The following PHACTR1 variants were observed in gnomAD, a reference collection of about 807,000 sequenced individuals.
PHACTR1 encodes phosphatase and actin regulator 1, also known as RPEL repeat containing 1.
PHACTR1 carries 16 observed loss-of-function variants against 69.2 expected under a neutral mutation model. The observed-to-expected ratio is 0.23, with a 90% CI of 0.16 to 0.35. The LOEUF is 0.35. Ranked by LOEUF, PHACTR1 falls within the 10% of genes least tolerant of loss-of-function variation. The pLI is 1.00. For synonymous variants in PHACTR1, 312 were observed against 284.5 expected (o/e 1.10, Z -0.97); for missense variants, 510 against 734.7 (o/e 0.69, Z 3.54).
At chr6:12,742,177 C>T (rs1765139506) in intron 3 of PHACTR1, among the ~76,000 whole-genome samples, 1 of 152,120 alleles carries the variant, frequency 6.6e-6, no homozygotes, top group Admixed American at 6.5e-5. Flanking sequence ...GAGGCATGGG[C>T]CACTCAGCTG....
chr6:13,254,533 G>T lies in PHACTR1; in HGVS notation c.1392-18327G>T, dbSNP rs556137520. Among the ~76,000 whole-genome samples, 201 of 152,234 alleles carry T rather than the reference G, an allele frequency of 1.3e-3. 1 individual carries two copies. In the Middle Eastern group the frequency reaches 0.02, roughly 15 times the overall value. ...CAAAGCAAGTGTCTCCTTCCTCTTT[G>T]GATATCCATAGTGTCCCAAATCTGA... is the stretch of plus-strand genomic sequence containing the variant. On this transcript the variant is annotated intron_variant, in intron 10 of 14. Coordinates refer to ENST00000332995, the MANE Select transcript of PHACTR1 (RefSeq NM_030948.6).
intron 4 of PHACTR1, among the ~76,000 whole-genome samples, chr6:12,833,085 T>C (rs1777761963): frequency 6.6e-6 from 1 of 152,136 alleles, no homozygotes; most frequent in South Asian, 2.1e-4. Flanking sequence ...TCACTTCACC[T>C]ATGAGGTTCA....
intron 4 of PHACTR1, among the ~76,000 whole-genome samples, chr6:12,937,595 G>A (rs1025486153): frequency 2.6e-5 from 4 of 152,066 alleles, no homozygotes; most frequent in African/African-American, 9.7e-5. Flanking sequence ...GTCAGGTGGC[G>A]GTAAGAGTTA....
At chr6:12,812,074 G>A (rs1775073217) in intron 4 of PHACTR1, among the ~76,000 whole-genome samples, 1 of 151,694 alleles carries the variant, frequency 6.6e-6, no homozygotes, top group African/African-American at 2.4e-5. Context: ...TCACAGTGTT[G>A]TGCAGACACC....
At chr6:13,160,603 G>T (rs1273222556) in intron 6 of PHACTR1, among the ~76,000 whole-genome samples, 1 of 152,126 alleles carries the variant, frequency 6.6e-6, no homozygotes, top group Non-Finnish European at 1.5e-5. Flanking sequence ...ACACGACCAG[G>T]GTGCAGTCAC....
intron 4 of PHACTR1, among the ~76,000 whole-genome samples, chr6:12,890,412 C>T (rs1221160177): frequency 6.6e-6 from 1 of 152,084 alleles, no homozygotes; most frequent in Non-Finnish European, 1.5e-5. Context: ...GACTATGAGC[C>T]TCCTCTCTTC....
At chr6:12,802,991 C>A (rs9472594) in intron 4 of PHACTR1, among the ~76,000 whole-genome samples, 56,580 of 151,978 alleles carry the variant, frequency 0.37, 11,338 homozygotes, top group African/African-American at 0.5. Context: ...ATATATGTGG[C>A]TTTGTAGAGG....
chr6:13,152,508 A>G (rs1216503354), intron 5 of PHACTR1, among the ~76,000 whole-genome samples: 1 of 152,188 alleles, frequency 6.6e-6, no homozygotes, highest in South Asian at 2.1e-4. Context: ...AAAAATGACT[A>G]AACTAGAACT....
intron 3 of PHACTR1, among the ~76,000 whole-genome samples, chr6:12,730,005 A>G (rs2127570073): frequency 6.6e-6 from 1 of 152,318 alleles, no homozygotes; most frequent in East Asian, 1.9e-4. Flanking sequence ...AGATGAAGGT[A>G]GGAAAAAGAA....
Position 13,206,004 on chromosome 6 carries a change from A to C in PHACTR1, c.854A>C (p.His285Pro), listed in dbSNP as rs749411246. Reference sequence around the variant, plus strand: ...ACTGTCCTGCCCTCCCAGATCCAGCACCAGCTGCAGTACGGCAGCCACGGC... The same window carrying C: ...ACTGTCCTGCCCTCCCAGATCCAGCCCCAGCTGCAGTACGGCAGCCACGGC... Reference protein sequence around the residue: ...HHTVLPSQIQHQLQYGSHGQH... With the variant: ...HHTVLPSQIQPQLQYGSHGQH... Residue 285 changes from histidine (H) to proline (P), a missense_variant, in exon 8 of 15, where the codon CAC (histidine) becomes CCC (proline). His to Pro is a moderately conservative substitution (Grantham distance 77). Coordinates refer to ENST00000332995, the MANE Select transcript of PHACTR1 (RefSeq NM_030948.6). The C allele has an allele frequency of 1.2e-6, 2 of 1,613,926 alleles. No individual in the cohort carries two copies. Among genetic ancestry groups the C allele is most frequent in the South Asian group, 2.2e-5 (2 of 91,084 alleles).
At chr6:13,009,462 T>C (rs999813868) in intron 4 of PHACTR1, among the ~76,000 whole-genome samples, 4 of 152,210 alleles carry the variant, frequency 2.6e-5, no homozygotes, top group African/African-American at 7.2e-5. Context: ...ACACTTCCAT[T>C]GCTTTGCCCT....
intron 5 of PHACTR1, among the ~76,000 whole-genome samples, chr6:13,098,423 C>T (rs1814625964): frequency 6.6e-6 from 1 of 152,182 alleles, no homozygotes; most frequent in Admixed American, 6.5e-5. Context: ...TAGGCCTTCG[C>T]TTTGGGACTC....
At chr6:13,100,404 G>A (rs1184276191) in intron 5 of PHACTR1, among the ~76,000 whole-genome samples, 1 of 152,090 alleles carries the variant, frequency 6.6e-6, no homozygotes, top group Non-Finnish European at 1.5e-5. Flanking sequence ...GCCTGTAGTA[G>A]GTATGTCACA....
At chr6:12,902,757 C>T (rs1785339658) in intron 4 of PHACTR1, among the ~76,000 whole-genome samples, 1 of 152,158 alleles carries the variant, frequency 6.6e-6, no homozygotes, top group Admixed American at 6.5e-5. Flanking sequence ...ATATGAAGAA[C>T]ATATAACTGG....
rs11326657 is a variant in PHACTR1, at chr6:13,144,772, GA to G, written c.416-15413del. ...GGCAACAGACTGAGACCCTGTCTCA[GA>G]AAAAAAAAAAAAAAAAAAGTATGTG... On this transcript the variant is annotated intron_variant, in intron 5 of 14. Transcript: ENST00000332995. 9.8e-3 allele frequency among the ~76,000 whole-genome samples: 183 copies of G among 18,634 alleles called. 2 individuals carry two copies. The highest frequency in any genetic ancestry group is 0.02 in the Admixed American group (21 of 1,072). 12.2% of individuals were successfully genotyped at this position (18,634 alleles called of 152,430 possible).
At chr6:13,204,798 A>G (rs555959359) in intron 7 of PHACTR1, among the ~76,000 whole-genome samples, 2 of 152,306 alleles carry the variant, frequency 1.3e-5, no homozygotes, top group East Asian at 3.9e-4. Context: ...TCAAAGCAGG[A>G]TGGTCGTCCC....
intron 4 of PHACTR1, among the ~76,000 whole-genome samples, chr6:12,778,270 G>C (rs566107211): frequency 6.6e-6 from 1 of 152,208 alleles, no homozygotes; most frequent in South Asian, 2.1e-4. Context: ...TCAAATATAG[G>C]CTACAAAATC....
chr6:12,889,530 A>G lies in PHACTR1; in HGVS notation c.250+139740A>G, dbSNP rs1783961387. 2.0e-5 allele frequency among the ~76,000 whole-genome samples: 3 copies of G among 152,214 alleles called. No homozygotes were observed. The South Asian group carries it at 6.2e-4, about 32-fold the overall frequency. On this transcript the variant is annotated intron_variant, in intron 4 of 14. Transcript: ENST00000332995. ...CGGCCTTCTCTCAAATTTCAGTGAC[A>G]TTTGGGAGTAGTTTGGCAGCAAGAA...
At chr6:12,854,904 T>C (rs1780191024) in intron 4 of PHACTR1, among the ~76,000 whole-genome samples, 1 of 152,024 alleles carries the variant, frequency 6.6e-6, no homozygotes, top group Non-Finnish European at 1.5e-5. Context: ...GTTGGCAAGG[T>C]TGTAGAGAAA....
Sources: gnomAD v4.1 joint callset for allele counts (sites outside exome capture counted in the v4.1 genomes callset) on GRCh38, gnomAD v4.1.1 for gene constraint, MANE v1.5 for transcripts, NCBI Gene and HGNC (gene_info 2026-07-23, HGNC 2026-07-21) for gene names.